The following CDIN1 variants were observed in gnomAD, a reference collection of about 807,000 sequenced individuals.
CDIN1 encodes CDAN1-interacting nuclease 1.
CDIN1 carries 33 observed loss-of-function variants against 45.3 expected under a neutral mutation model. The ratio of observed to expected loss-of-function variants is 0.73; its 90% CI spans 0.55 to 0.97. The LOEUF is 0.97. Ranked by LOEUF, CDIN1 falls within the 50% of genes least tolerant of loss-of-function variation. The pLI is 0.00. For synonymous variants in CDIN1, 118 were observed against 124.4 expected, an observed-to-expected ratio of 0.95 and a Z score of 0.34; for missense variants, 303 against 339.4, an observed-to-expected ratio of 0.89 and a Z score of 0.84.
intron 10 of CDIN1, among the ~76,000 whole-genome samples, chr15:36,728,179 T>C (rs2043707563): frequency 6.6e-6 from 1 of 152,172 alleles, no homozygotes; most frequent in Non-Finnish European, 1.5e-5. Context: ...TTGTCATGCA[T>C]CACTCTATTA....
At chr15:36,649,703 A>G (rs1406567685) in intron 3 of CDIN1, among the ~76,000 whole-genome samples, 1 of 152,176 alleles carries the variant, frequency 6.6e-6, no homozygotes, top group African/African-American at 2.4e-5. Context: ...AAACTAGTAA[A>G]GATGATAAGT....
chr15:36,691,586 GT>G, intron 5 of CDIN1, 98 bp from the exon 6 acceptor site: 1 of 676,738 alleles, frequency 1.5e-6, no homozygotes. Flanking sequence ...TCATATTTTT[GT>G]TTTCATGGTT....
intron 1 of CDIN1, among the ~76,000 whole-genome samples, chr15:36,587,591 C>T (rs1330210629): frequency 1.3e-5 from 2 of 152,100 alleles, no homozygotes; most frequent in African/African-American, 2.4e-5. Context: ...GCTTGGTTTA[C>T]TTGGTGCTGC....
chr15:36,658,483 T>C (rs918756850), intron 5 of CDIN1: 13 of 152,224 alleles, frequency 8.5e-5, no homozygotes, highest in African/African-American at 3.1e-4. Flanking sequence ...AAAAGATTTA[T>C]GAGTAATATT....
intron 1 of CDIN1, among the ~76,000 whole-genome samples, chr15:36,580,172 A>G (rs1432883453): frequency 6.6e-6 from 1 of 152,236 alleles, no homozygotes; most frequent in Non-Finnish European, 1.5e-5. Context: ...CAGCCTTCCA[A>G]GGCCTTGCAA....
chr15:36,762,827 C>CT (rs2053808433), intron 10 of CDIN1, among the ~76,000 whole-genome samples: 1 of 151,984 alleles, frequency 6.6e-6, no homozygotes, highest in South Asian at 2.1e-4. Context: ...TGAACTCATC[C>CT]TTTTTTATGG....
chr15:36,651,695 C>A (rs2040583477), intron 3 of CDIN1, among the ~76,000 whole-genome samples: 1 of 152,092 alleles, frequency 6.6e-6, no homozygotes, highest in Non-Finnish European at 1.5e-5. Flanking sequence ...TTTCAGGGTT[C>A]TATAGCTTTA....
intron 3 of CDIN1, among the ~76,000 whole-genome samples, chr15:36,647,256 C>A (rs2040372165): frequency 6.6e-6 from 1 of 151,952 alleles, no homozygotes; most frequent in South Asian, 2.1e-4. Context: ...GAACTTCTGG[C>A]CTCAAGTAAT....
At chr15:36,681,891 A>G (rs539709720) in intron 5 of CDIN1, among the ~76,000 whole-genome samples, 1 of 152,340 alleles carries the variant, frequency 6.6e-6, no homozygotes, top group African/African-American at 2.4e-5. Flanking sequence ...AAGAACTAAT[A>G]AATGAAATGC....
At chr15:36,620,424 T>G (rs1054206677) in intron 1 of CDIN1, among the ~76,000 whole-genome samples, 1 of 152,152 alleles carries the variant, frequency 6.6e-6, no homozygotes, top group Non-Finnish European at 1.5e-5. Context: ...AGGTGAAATA[T>G]ATTTCAGAGT....
chr15:36,777,204 A>G (rs1048719218), intron 10 of CDIN1, among the ~76,000 whole-genome samples: 3 of 152,200 alleles, frequency 2.0e-5, no homozygotes, highest in South Asian at 2.1e-4. Context: ...GAGTGTGAAT[A>G]GAATGAAAAT....
chr15:36,659,907 G>A (rs368450765), intron 5 of CDIN1, among the ~76,000 whole-genome samples: 63 of 150,328 alleles, frequency 4.2e-4, no homozygotes, highest in African/African-American at 1.4e-3. Context: ...TGCTGATGGT[G>A]CTAGGTTATC....
intron 10 of CDIN1, among the ~76,000 whole-genome samples, chr15:36,744,893 ATACT>A (rs2044365765): frequency 6.6e-6 from 1 of 152,180 alleles, no homozygotes; most frequent in African/African-American, 2.4e-5. Context: ...ATTGACCTGA[ATACT>A]GCCATGTCTA....
At chr15:36,589,327 T>A (rs1018417362) in intron 1 of CDIN1, among the ~76,000 whole-genome samples, 1 of 152,128 alleles carries the variant, frequency 6.6e-6, no homozygotes, top group African/African-American at 2.4e-5. Context: ...AAAGAGTAAA[T>A]GCTTCTTTAT....
intron 1 of CDIN1, among the ~76,000 whole-genome samples, chr15:36,586,562 G>T (rs1268410796): frequency 6.6e-6 from 1 of 151,942 alleles, no homozygotes; most frequent in Non-Finnish European, 1.5e-5. Context: ...CACTATTTGG[G>T]TATTAAAACA....
chr15:36,761,315 T>G (rs2053756616), intron 10 of CDIN1, among the ~76,000 whole-genome samples: 2 of 152,232 alleles, frequency 1.3e-5, no homozygotes, highest in Non-Finnish European at 2.9e-5. Context: ...ATATAATTGC[T>G]TCATTGCTAG....
At chr15:36,590,343 G>A (rs575094108) in intron 1 of CDIN1, among the ~76,000 whole-genome samples, 1 of 152,278 alleles carries the variant, frequency 6.6e-6, no homozygotes, top group African/African-American at 2.4e-5. Flanking sequence ...GCTAAAAAAT[G>A]TTTAAAGCTA....
intron 10 of CDIN1, among the ~76,000 whole-genome samples, chr15:36,738,464 G>A (rs775882292): frequency 7.9e-5 from 12 of 152,016 alleles, no homozygotes; most frequent in Non-Finnish European, 1.6e-4. Flanking sequence ...GCCAAAATCA[G>A]CCTTCATGGC....
At chr15:36,759,646 T>C (rs2053705079) in intron 10 of CDIN1, among the ~76,000 whole-genome samples, 1 of 152,174 alleles carries the variant, frequency 6.6e-6, no homozygotes, top group Non-Finnish European at 1.5e-5. Context: ...TCTGTTCTTA[T>C]ACCCCTATAA....
Sources: allele counts gnomAD v4.1 joint callset (sites outside exome capture counted in the v4.1 genomes callset), GRCh38; gene constraint gnomAD v4.1.1; transcripts MANE v1.5; gene names NCBI Gene and HGNC (gene_info 2026-07-23, HGNC 2026-07-21).